The following UBE2E2 variants were observed in gnomAD, a reference collection of about 807,000 sequenced individuals.
UBE2E2 encodes the protein ubiquitin-conjugating enzyme E2 E2.
Under a neutral mutation model 24.7 loss-of-function variants are expected in UBE2E2, and 6 were observed. That is an observed-to-expected ratio of 0.24 (90% CI 0.13 to 0.48). UBE2E2 has a LOEUF of 0.48. Ranked by LOEUF, UBE2E2 falls within the 20% of genes least tolerant of loss-of-function variation. The pLI is 0.99. For missense variants in UBE2E2, 169 were observed against 245.0 expected, an observed-to-expected ratio of 0.69 and a Z score of 2.07; for synonymous variants, 104 against 83.6, an observed-to-expected ratio of 1.24 and a Z score of -1.33.
At chr3:23,569,281 A>G (rs1247594633) in intron 5 of UBE2E2, among the ~76,000 whole-genome samples, 2 of 152,170 alleles carry the variant, frequency 1.3e-5, no homozygotes, top group African/African-American at 2.4e-5. Flanking sequence ...CTACCTAGAC[A>G]CCAAAGTAGT....
At chr3:23,564,662 G>C (rs892075397) in intron 5 of UBE2E2, among the ~76,000 whole-genome samples, 4 of 152,082 alleles carry the variant, frequency 2.6e-5, no homozygotes, top group Non-Finnish European at 4.4e-5. Flanking sequence ...TGTTGAGTTA[G>C]GGTCCTGGTA....
At chr3:23,259,317 T>C (rs572578915) in intron 3 of UBE2E2, among the ~76,000 whole-genome samples, 62 of 152,234 alleles carry the variant, frequency 4.1e-4, no homozygotes, top group Non-Finnish European at 1.5e-4. Flanking sequence ...CTAAGTCTTA[T>C]ATTTAAGTTA....
chr3:23,442,464 C>T (rs1400336520), intron 3 of UBE2E2, among the ~76,000 whole-genome samples: 2 of 151,842 alleles, frequency 1.3e-5, no homozygotes, highest in African/African-American at 4.9e-5. Flanking sequence ...CCTAAGTGTT[C>T]GTAAAGACAT....
At chr3:23,439,594 T>C (rs1413680535) in intron 3 of UBE2E2, among the ~76,000 whole-genome samples, 3 of 152,226 alleles carry the variant, frequency 2.0e-5, no homozygotes, top group Non-Finnish European at 2.9e-5. Context: ...GAATGAATTA[T>C]ACATACTCTT....
intron 4 of UBE2E2, among the ~76,000 whole-genome samples, chr3:23,505,351 G>A (rs560049872): frequency 4.6e-4 from 70 of 152,198 alleles, no homozygotes; most frequent in Non-Finnish European, 9.6e-4. Flanking sequence ...GTCTCCCTGT[G>A]AATCTGTACA....
chr3:23,423,268 C>G (rs1291181943), intron 3 of UBE2E2, among the ~76,000 whole-genome samples: 1 of 152,184 alleles, frequency 6.6e-6, no homozygotes, highest in Non-Finnish European at 1.5e-5. Context: ...CGAGTTCTAA[C>G]TTTGCAGCTG....
intron 3 of UBE2E2, among the ~76,000 whole-genome samples, chr3:23,477,765 C>A (rs1175736283): frequency 1.3e-5 from 2 of 152,174 alleles, no homozygotes. Flanking sequence ...CCACTCAAAT[C>A]TCATCTCAAA....
At chr3:23,457,532 T>A (rs1322893526) in intron 3 of UBE2E2, among the ~76,000 whole-genome samples, 1 of 152,184 alleles carries the variant, frequency 6.6e-6, no homozygotes, top group Non-Finnish European at 1.5e-5. Flanking sequence ...TGCACTTTTT[T>A]TTGTTTTTTG....
chr3:23,572,748 C>G (rs1443564647), intron 5 of UBE2E2, among the ~76,000 whole-genome samples: 5 of 152,210 alleles, frequency 3.3e-5, no homozygotes, highest in Non-Finnish European at 7.3e-5. Context: ...CTATCCCATG[C>G]TGTATATGTA....
At chr3:23,353,939 A>C (rs1695847799) in intron 3 of UBE2E2, among the ~76,000 whole-genome samples, 1 of 152,320 alleles carries the variant, frequency 6.6e-6, no homozygotes, top group Admixed American at 6.5e-5. Flanking sequence ...GTCAGTCCTA[A>C]GCCAAAAGAA....
At chr3:23,573,929 C>G (rs1224148854) in intron 5 of UBE2E2, among the ~76,000 whole-genome samples, 1 of 152,116 alleles carries the variant, frequency 6.6e-6, no homozygotes, top group Non-Finnish European at 1.5e-5. Flanking sequence ...TGATGACACA[C>G]TGTCATTGAA....
At chr3:23,481,343 C>G (rs928328721) in intron 3 of UBE2E2, among the ~76,000 whole-genome samples, 1 of 152,230 alleles carries the variant, frequency 6.6e-6, no homozygotes, top group Non-Finnish European at 1.5e-5. Flanking sequence ...GAATGTAAGA[C>G]AATGAGTGGC....
At chr3:23,408,910 G>T (rs565654838) in intron 3 of UBE2E2, among the ~76,000 whole-genome samples, 1 of 152,106 alleles carries the variant, frequency 6.6e-6, no homozygotes, top group Non-Finnish European at 1.5e-5. Flanking sequence ...TGAGTTTTAT[G>T]TGACTCAAAG....
At chr3:23,494,857 T>C (rs746772040) in intron 3 of UBE2E2, among the ~76,000 whole-genome samples, 7 of 152,096 alleles carry the variant, frequency 4.6e-5, no homozygotes, top group Non-Finnish European at 7.4e-5. Flanking sequence ...GTATCCCATC[T>C]TCTATCTCCT....
chr3:23,336,904 C>T (rs1355306426), intron 3 of UBE2E2, among the ~76,000 whole-genome samples: 3 of 152,132 alleles, frequency 2.0e-5, no homozygotes, highest in Non-Finnish European at 1.5e-5. Context: ...CTTTGGGAGA[C>T]TGAGGCGGGT....
intron 3 of UBE2E2, among the ~76,000 whole-genome samples, chr3:23,339,925 G>A (rs530315338): frequency 2.0e-5 from 3 of 152,066 alleles, no homozygotes; most frequent in South Asian, 2.1e-4. Context: ...CAGGAATAAC[G>A]GGAAATACTG....
intron 3 of UBE2E2, among the ~76,000 whole-genome samples, chr3:23,346,221 C>A (rs895772484): frequency 6.6e-6 from 1 of 152,150 alleles, no homozygotes; most frequent in East Asian, 1.9e-4. Flanking sequence ...GTAGGACATA[C>A]AACAATAGTG....
chr3:23,266,317 C>T (rs1182385464), intron 3 of UBE2E2, among the ~76,000 whole-genome samples: 1 of 152,158 alleles, frequency 6.6e-6, no homozygotes, highest in Non-Finnish European at 1.5e-5. Context: ...GCGCTTCCTT[C>T]AGGAGCTCTT....
chr3:23,353,597 C>G (rs916666450), intron 3 of UBE2E2, among the ~76,000 whole-genome samples: 8 of 152,096 alleles, frequency 5.3e-5, no homozygotes, highest in African/African-American at 1.5e-4. Flanking sequence ...CAATAGCAGA[C>G]AAACAGAGAG....
Sources: allele counts gnomAD v4.1 joint callset (sites outside exome capture counted in the v4.1 genomes callset), GRCh38; gene constraint gnomAD v4.1.1; transcripts MANE v1.5; gene names NCBI Gene and HGNC (gene_info 2026-07-23, HGNC 2026-07-21).